Variants in ARHGAP26 observed in about 807,000 individuals in gnomAD.
The protein encoded by ARHGAP26 is Rho GTPase activating protein 26.
A neutral mutation model predicts 104.8 loss-of-function variants in ARHGAP26; 38 were observed. The ratio of observed to expected loss-of-function variants is 0.36; its 90% CI spans 0.28 to 0.48. The LOEUF is 0.48. Among genes scored for constraint, ARHGAP26 ranks in the 20% least tolerant of loss-of-function variants. ARHGAP26 has a pLI of 0.99. For synonymous variants in ARHGAP26, 341 were observed against 340.0 expected (o/e 1.00, Z -0.03); for missense variants, 704 against 947.9 (o/e 0.74, Z 3.38).
chr5:142,907,674 A>G (rs771043538), intron 8 of ARHGAP26, 30 bp from the exon 9 acceptor site: 27 of 1,492,564 alleles, frequency 1.8e-5, no homozygotes, highest in Non-Finnish European at 2.4e-5. Context: ...TGGAATGTAT[A>G]GATATTTTAT....
chr5:143,095,051 G>A (rs1598988015), intron 17 of ARHGAP26, among the ~76,000 whole-genome samples: 5 of 151,874 alleles, frequency 3.3e-5, no homozygotes, highest in Admixed American at 3.3e-4. Context: ...TTCTGTGAAA[G>A]GAAATTGTAC....
At chr5:143,165,995 C>A (rs955655520) in intron 20 of ARHGAP26, 3 of 1,303,574 alleles carry the variant, frequency 2.3e-6, no homozygotes, top group Non-Finnish European at 3.0e-6. Flanking sequence ...AGTTACCTGC[C>A]GTAATTATGG....
At chr5:142,836,387 A>G (rs1769570048) in intron 1 of ARHGAP26, among the ~76,000 whole-genome samples, 1 of 152,140 alleles carries the variant, frequency 6.6e-6, no homozygotes, top group African/African-American at 2.4e-5. Flanking sequence ...CCTTTTTCCC[A>G]ATGCCAGAAT....
At chr5:142,830,534 G>A (rs1033187394) in intron 1 of ARHGAP26, among the ~76,000 whole-genome samples, 3 of 152,104 alleles carry the variant, frequency 2.0e-5, no homozygotes, top group African/African-American at 7.2e-5. Flanking sequence ...GTGAAGACTT[G>A]ACTTTTAAAA....
chr5:142,859,333 G>A (rs755896216), intron 1 of ARHGAP26, among the ~76,000 whole-genome samples: 22 of 152,142 alleles, frequency 1.4e-4, no homozygotes, highest in Non-Finnish European at 1.9e-4. Context: ...CCGTGCCCAG[G>A]ACTGGGTACT....
intron 1 of ARHGAP26, among the ~76,000 whole-genome samples, chr5:142,813,964 G>A (rs1380739903): frequency 6.6e-6 from 1 of 152,200 alleles, no homozygotes; most frequent in Non-Finnish European, 1.5e-5. Context: ...CCAGCTTTAG[G>A]CTTGGGTGTG....
rs1262810907 is a variant in ARHGAP26 at position 143,222,540 on chromosome 5, T to C, written c.*94T>C. On this transcript the variant is annotated 3_prime_UTR_variant, in exon 23 of 23. Transcript: ENST00000645722. ...GCCATTTCTCTTTGCCACTGAGAAA[T>C]GCAGCGTGACTGACTCTGTTGCTAC... 2.0e-5 allele frequency: 21 copies of C among 1,025,584 alleles called. No homozygotes were observed. Among genetic ancestry groups the C allele is most frequent in the Non-Finnish European group, 2.8e-5 (20 of 721,502 alleles). 63.5% of individuals were successfully genotyped at this position (1,025,584 alleles called of 1,614,324 possible).
intron 17 of ARHGAP26, among the ~76,000 whole-genome samples, chr5:143,058,911 G>A (rs1786267045): frequency 6.6e-6 from 1 of 152,216 alleles, no homozygotes; most frequent in Non-Finnish European, 1.5e-5. Context: ...TTCCATATCA[G>A]AGCTGCTTGT....
At chr5:142,869,628 A>C (rs1290984594) in intron 1 of ARHGAP26, among the ~76,000 whole-genome samples, 1 of 152,162 alleles carries the variant, frequency 6.6e-6, no homozygotes, top group Non-Finnish European at 1.5e-5. Context: ...ACCTGAGTCC[A>C]TGTTTGTGTG....
chr5:143,130,077 C>T (rs184189336), intron 18 of ARHGAP26, among the ~76,000 whole-genome samples: 150 of 152,206 alleles, frequency 9.9e-4, no homozygotes, highest in Non-Finnish European at 1.8e-3. Context: ...TGGTGAGGTC[C>T]GTGTAGCTGT....
At chr5:142,780,890 A>C (rs1015696104) in intron 1 of ARHGAP26, among the ~76,000 whole-genome samples, 2 of 152,154 alleles carry the variant, frequency 1.3e-5, no homozygotes, top group Non-Finnish European at 2.9e-5. Context: ...GTTTTGCATG[A>C]CATCTCTCTC....
Position 142,844,411 on chromosome 5 carries a change from C to CTT in ARHGAP26, c.155-28978_155-28977dup, listed in dbSNP as rs773157121. On this transcript the variant is annotated intron_variant, in intron 1 of 22. Transcript: ENST00000645722. ...CATGAATGAGTTAGCAGTTTTAAAGCTTTTTTTTTTTTCTTTTTGAGGGTA... is the reference window on the plus strand; with the variant it reads ...CATGAATGAGTTAGCAGTTTTAAAGCTTTTTTTTTTTTTTCTTTTTGAGGGTA... Among the ~76,000 whole-genome samples the CTT allele has an allele frequency of 3.4e-4, 49 of 144,374 alleles. No homozygotes were observed. In the Middle Eastern group the frequency reaches 0.014, roughly 43 times the overall value. 94.7% of individuals were successfully genotyped at this position (144,374 alleles called of 152,430 possible).
At chr5:143,023,870 G>A (rs574496080) in intron 12 of ARHGAP26, among the ~76,000 whole-genome samples, 1 of 152,248 alleles carries the variant, frequency 6.6e-6, no homozygotes, top group East Asian at 1.9e-4. Flanking sequence ...GTTCCTTCCT[G>A]CCCTCCTCCC....
intron 17 of ARHGAP26, among the ~76,000 whole-genome samples, chr5:143,082,494 T>TATAAACCTGTTATATGTCAGGTG (rs1326176928): frequency 6.6e-6 from 1 of 152,252 alleles, no homozygotes; most frequent in Non-Finnish European, 1.5e-5. Flanking sequence ...GCTTTAGATA[T>TATAAACCTGTTATATGTCAGGTG]CTGGTATCTA....
chr5:142,866,041 T>C (rs911112844), intron 1 of ARHGAP26, among the ~76,000 whole-genome samples: 1 of 123,350 alleles, frequency 8.1e-6, no homozygotes, highest in African/African-American at 3.1e-5. Flanking sequence ...TTTTCTTTTT[T>C]TTTTTTTGGA....
At chr5:142,792,768 T>C (rs1212226765) in intron 1 of ARHGAP26, among the ~76,000 whole-genome samples, 3 of 152,218 alleles carry the variant, frequency 2.0e-5, no homozygotes, top group Non-Finnish European at 4.4e-5. Flanking sequence ...ATCCTGGACC[T>C]GAAACGTAAG....
intron 19 of ARHGAP26, among the ~76,000 whole-genome samples, chr5:143,146,460 C>G (rs1799171325): frequency 6.6e-6 from 1 of 152,194 alleles, no homozygotes; most frequent in Non-Finnish European, 1.5e-5. Context: ...GTAGAAATTG[C>G]CTGAGGCCAC....
intron 11 of ARHGAP26, among the ~76,000 whole-genome samples, chr5:142,976,229 TC>T (rs1348853656): frequency 6.6e-6 from 1 of 152,238 alleles, no homozygotes; most frequent in Non-Finnish European, 1.5e-5. Flanking sequence ...CATAAAGTAC[TC>T]CTTTAAAGCA....
rs528837858 is a variant in ARHGAP26, at chr5:143,134,765, C to T, written c.1837+660C>T. ...CCTAAAATATACAGTATTGTTTCAGCCTTTGCTCTAAGAGAGCCTCCATTT... is the reference window on the plus strand; with the variant it reads ...CCTAAAATATACAGTATTGTTTCAGTCTTTGCTCTAAGAGAGCCTCCATTT... On this transcript the variant is annotated intron_variant, in intron 19 of 22. Coordinates refer to ENST00000645722, the MANE Select transcript of ARHGAP26 (RefSeq NM_001135608.3). 3.3e-5 allele frequency among the ~76,000 whole-genome samples: 5 copies of T among 152,194 alleles called. No homozygotes were observed. In the South Asian group the frequency reaches 8.3e-4, roughly 25 times the overall value.
Sources: gnomAD v4.1 joint callset for allele counts (sites outside exome capture counted in the v4.1 genomes callset) on GRCh38, gnomAD v4.1.1 for gene constraint, MANE v1.5 for transcripts, NCBI Gene and HGNC (gene_info 2026-07-23, HGNC 2026-07-21) for gene names.